The following CSMD2 variants were observed in gnomAD, a reference collection of about 807,000 sequenced individuals.
CSMD2 encodes the protein CUB and sushi domain-containing protein 2.
CSMD2 carries 130 observed loss-of-function variants against 398.5 expected under a neutral mutation model. That is an observed-to-expected ratio of 0.33 (90% CI 0.28 to 0.38). The LOEUF (loss-of-function observed/expected upper bound fraction) is 0.38. CSMD2 is among the 10% of genes least tolerant of loss of function. The pLI, the probability that CSMD2 is intolerant of heterozygous loss-of-function variation, is 1.00. For missense variants in CSMD2, 3,829 were observed against 4,764.9 expected, an observed-to-expected ratio of 0.80 and a Z score of 5.78; for synonymous variants, 1,828 against 1,908.5, an observed-to-expected ratio of 0.96 and a Z score of 1.10.
chr1:33,691,284 T>C (rs1046687231), intron 25 of CSMD2, among the ~76,000 whole-genome samples: 9 of 152,290 alleles, frequency 5.9e-5, no homozygotes, highest in South Asian at 2.1e-4. Context: ...GGGGTGGCCA[T>C]GGAATCCGGT....
At chr1:34,079,917 T>G (rs982496546) in intron 2 of CSMD2, among the ~76,000 whole-genome samples, 1 of 152,054 alleles carries the variant, frequency 6.6e-6, no homozygotes, top group Non-Finnish European at 1.5e-5. Context: ...TACCAAAAAA[T>G]ATGAGTGAAC....
At chr1:33,674,794 G>A (rs1225780695) in intron 25 of CSMD2, among the ~76,000 whole-genome samples, 3 of 152,048 alleles carry the variant, frequency 2.0e-5, no homozygotes, top group South Asian at 2.1e-4. Context: ...AGAACTCAGG[G>A]TTAAGAAACT....
chr1:34,136,290 C>T (rs1638746735), intron 1 of CSMD2, among the ~76,000 whole-genome samples: 1 of 152,258 alleles, frequency 6.6e-6, no homozygotes, highest in Non-Finnish European at 1.5e-5. Flanking sequence ...CCCTAAGCCA[C>T]TTGATTTTCC....
At chr1:34,043,613 C>T (rs1000561877) in intron 2 of CSMD2, among the ~76,000 whole-genome samples, 13 of 152,246 alleles carry the variant, frequency 8.5e-5, no homozygotes, top group South Asian at 2.1e-4. Context: ...CAATAAATGA[C>T]GGTTTCACTA....
chr1:33,857,134 T>G (rs1639155634), intron 5 of CSMD2, among the ~76,000 whole-genome samples: 1 of 152,124 alleles, frequency 6.6e-6, no homozygotes, highest in Non-Finnish European at 1.5e-5. Flanking sequence ...GGCAAGTAAC[T>G]GACCTGCTTT....
chr1:33,710,488 G>A (rs940432822), intron 21 of CSMD2, among the ~76,000 whole-genome samples: 3 of 152,288 alleles, frequency 2.0e-5, no homozygotes, highest in South Asian at 2.1e-4. Flanking sequence ...ATTAGGTTCC[G>A]GAAGGATGTA....
At chr1:33,718,732 T>C (rs1266086297) in intron 19 of CSMD2, among the ~76,000 whole-genome samples, 1 of 152,228 alleles carries the variant, frequency 6.6e-6, no homozygotes, top group Non-Finnish European at 1.5e-5. Flanking sequence ...GAAGTACTTC[T>C]CTAGATAATT....
Position 34,138,468 on chromosome 1 carries a change from A to G in CSMD2, c.187+26443T>C, listed in dbSNP as rs184166136. Among the ~76,000 whole-genome samples, 547 of 152,336 alleles carry G rather than the reference A, an allele frequency of 3.6e-3. 2 individuals are homozygous for G. Among genetic ancestry groups the G allele is most frequent in the Non-Finnish European group, 4.2e-3 (284 of 68,032 alleles). Reference sequence around the variant, plus strand: ...TCTCCATCTGTAAAACGGAGGTGGTAAGAGTAACCATATCTACAGGACTGT... The same window carrying G: ...TCTCCATCTGTAAAACGGAGGTGGTGAGAGTAACCATATCTACAGGACTGT... On this transcript the variant is annotated intron_variant, in intron 1 of 70. Coordinates refer to ENST00000373381, the MANE Select transcript of CSMD2 (RefSeq NM_001281956.2).
At chr1:33,876,082 A>AGCCATCAGG (rs1640821851) in intron 5 of CSMD2, among the ~76,000 whole-genome samples, 1 of 152,216 alleles carries the variant, frequency 6.6e-6, no homozygotes, top group African/African-American at 2.4e-5. Flanking sequence ...CCTTCTCAGC[A>AGCCATCAGG]GGCCCTGTTA....
intron 28 of CSMD2, 25 bp from the exon 29 acceptor site, chr1:33,646,860 C>G: frequency 1.9e-6 from 3 of 1,589,806 alleles, no homozygotes; most frequent in Non-Finnish European, 1.7e-6. Flanking sequence ...CATCCCACCC[C>G]CACCCCACTA....
intron 15 of CSMD2, among the ~76,000 whole-genome samples, chr1:33,728,718 A>G (rs2149215536): frequency 6.6e-6 from 1 of 152,326 alleles, no homozygotes; most frequent in South Asian, 2.1e-4. Flanking sequence ...ATAACTTACT[A>G]TGTGTCAGGG....
At chr1:33,887,558 A>T (rs113376305) in intron 5 of CSMD2, among the ~76,000 whole-genome samples, 2 of 152,198 alleles carry the variant, frequency 1.3e-5, no homozygotes, top group African/African-American at 4.8e-5. Flanking sequence ...CAGAGTTTTT[A>T]AAAAATAACA....
chr1:33,548,125 C>T (rs746656942), intron 56 of CSMD2, among the ~76,000 whole-genome samples: 2 of 152,186 alleles, frequency 1.3e-5, no homozygotes, highest in Admixed American at 6.5e-5. Context: ...TGAGACCTTC[C>T]CAGAGGCAGA....
At chr1:33,761,784 T>TA (rs1649846660) in intron 13 of CSMD2, among the ~76,000 whole-genome samples, 1 of 152,150 alleles carries the variant, frequency 6.6e-6, no homozygotes, top group South Asian at 2.1e-4. Context: ...TGCTGATTGT[T>TA]CTCCATGACA....
intron 3 of CSMD2, among the ~76,000 whole-genome samples, chr1:34,023,578 C>T (rs1016971272): frequency 2.0e-5 from 3 of 152,140 alleles, no homozygotes; most frequent in Non-Finnish European, 2.9e-5. Context: ...ATAGTTCTTG[C>T]CCTCGGAGAG....
At chr1:33,930,013 C>T (rs1045497778) in intron 4 of CSMD2, among the ~76,000 whole-genome samples, 2 of 152,182 alleles carry the variant, frequency 1.3e-5, no homozygotes, top group Admixed American at 1.3e-4. Context: ...GTTTATTTGG[C>T]GTGTGTATCT....
rs151198821 is a variant in CSMD2 at position 33,542,719 on chromosome 1, C to T, written c.9277+1G>A. 6.2e-7 allele frequency: 1 copy of T among 1,612,666 alleles called. No individual in the cohort carries two copies. Among genetic ancestry groups the T allele is most frequent in the Non-Finnish European group, 8.5e-7 (1 of 1,179,304 alleles). Reference sequence around the variant, plus strand: ...GGAACCCGTAGGGCCTGAGCTCTCACCGAGGCACTCAGGGTCACTGCCTGT... The same window carrying T: ...GGAACCCGTAGGGCCTGAGCTCTCATCGAGGCACTCAGGGTCACTGCCTGT... On this transcript the variant is annotated splice_donor_variant, in intron 58 of 70. Transcript: ENST00000373381. LOFTEE classifies it high-confidence loss of function.
intron 1 of CSMD2, among the ~76,000 whole-genome samples, chr1:34,130,628 A>G (rs1663248896): frequency 6.6e-6 from 1 of 152,058 alleles, no homozygotes; most frequent in African/African-American, 2.4e-5. Flanking sequence ...ACCACAGGTG[A>G]GAACAGGGGA....
chr1:33,625,328 C>G, intron 33 of CSMD2, 74 bp from the exon 34 acceptor site: 15 of 1,401,862 alleles, frequency 1.1e-5, no homozygotes, highest in Non-Finnish European at 1.4e-5. Flanking sequence ...TACAACGGGT[C>G]TGGAACAAAG....
Sources: allele counts gnomAD v4.1 joint callset (sites outside exome capture counted in the v4.1 genomes callset), GRCh38; gene constraint gnomAD v4.1.1; transcripts MANE v1.5; gene names NCBI Gene and HGNC (gene_info 2026-07-23, HGNC 2026-07-21).